MYCT1: variants seen among roughly 807,000 people sequenced by gnomAD.
MYCT1 encodes the protein MYC target 1.
MYCT1 carries 12 observed loss-of-function variants against 15.0 expected under a neutral mutation model. The ratio of observed to expected loss-of-function variants is 0.80; its 90% CI spans 0.51 to 1.29. The LOEUF (loss-of-function observed/expected upper bound fraction) is 1.29, where lower values mean the gene tolerates loss of function less well. Among genes scored for constraint, MYCT1 ranks in the 50% most tolerant of loss-of-function variants. MYCT1 has a pLI of 0.00. For synonymous variants in MYCT1, 104 were observed against 102.7 expected (o/e 1.01, Z -0.07); for missense variants, 287 against 279.1 (o/e 1.03, Z -0.20).
At chr6:152,743,065 GT>G in the MYCT1 span, among the ~76,000 whole-genome samples, 462 of 152,124 alleles carry the variant, frequency 3.0e-3, 2 homozygotes, top group Non-Finnish European at 5.0e-3. Context: ...TGTTGTTGTT[GT>G]TGTTGTTTTG....
At chr6:152,742,191 A>G in the MYCT1 span, among the ~76,000 whole-genome samples, 1 of 152,164 alleles carries the variant, frequency 6.6e-6, no homozygotes, top group African/African-American at 2.4e-5. Context: ...TGGGGGAAAT[A>G]CGGGGTTAAA....
chr6:152,715,411 C>A (rs1223095134), intron 1 of MYCT1, among the ~76,000 whole-genome samples: 4 of 151,182 alleles, frequency 2.6e-5, no homozygotes, highest in Admixed American at 2.0e-4. Flanking sequence ...AATCTCCAAG[C>A]CTTTTGTTTA....
intron 1 of MYCT1, among the ~76,000 whole-genome samples, chr6:152,718,581 T>G (rs1043651277): frequency 6.6e-6 from 1 of 152,144 alleles, no homozygotes; most frequent in East Asian, 1.9e-4. Flanking sequence ...TATTTTTCAT[T>G]GATTGTGTAT....
At chr6:152,745,772 C>G in the MYCT1 span, among the ~76,000 whole-genome samples, 7 of 152,220 alleles carry the variant, frequency 4.6e-5, no homozygotes, top group Admixed American at 1.3e-4. Context: ...AAAACCTGTC[C>G]GTTGCTAGGC....
the MYCT1 span, among the ~76,000 whole-genome samples, chr6:152,732,493 A>G: frequency 6.6e-6 from 1 of 152,192 alleles, no homozygotes; most frequent in Non-Finnish European, 1.5e-5. Flanking sequence ...AAAAGAATGT[A>G]AACAAAAAAT....
At chr6:152,726,060 T>A (rs991845683), downstream of MYCT1, among the ~76,000 whole-genome samples, 1 of 152,130 alleles carries the variant, frequency 6.6e-6, no homozygotes, top group African/African-American at 2.4e-5. Flanking sequence ...CATATCTTTT[T>A]ACAATGTTAC....
chr6:152,718,300 C>T (rs9397551), intron 1 of MYCT1, among the ~76,000 whole-genome samples: 48,513 of 152,052 alleles, frequency 0.32, 9,014 homozygotes, highest in East Asian at 0.43. Context: ...AGTTTTCTTA[C>T]ATCAGAACAA....
downstream of MYCT1, among the ~76,000 whole-genome samples, chr6:152,729,316 G>GT (rs1037689693): frequency 7.0e-3 from 1,027 of 146,304 alleles, 8 homozygotes; most frequent in African/African-American, 0.024. Context: ...ATTTCCACAG[G>GT]TTTTTTTTTT....
At chr6:152,719,736 A>G (rs180696900) in intron 1 of MYCT1, among the ~76,000 whole-genome samples, 36 of 152,314 alleles carry the variant, frequency 2.4e-4, no homozygotes, top group Non-Finnish European at 4.9e-4. Context: ...ATTCCTTTGT[A>G]GTTATTAACA....
At chr6:152,736,873 G>A in the MYCT1 span, among the ~76,000 whole-genome samples, 1 of 152,076 alleles carries the variant, frequency 6.6e-6, no homozygotes, top group African/African-American at 2.4e-5. Flanking sequence ...TGCTGATTTA[G>A]TGCTAATTGG....
intron 1 of MYCT1, among the ~76,000 whole-genome samples, chr6:152,713,001 T>A (rs1332547475): frequency 2.0e-5 from 3 of 152,066 alleles, no homozygotes; most frequent in Non-Finnish European, 4.4e-5. Flanking sequence ...TTTAGCTCCA[T>A]CCACCCTTTC....
chr6:152,743,134 C>A, the MYCT1 span, among the ~76,000 whole-genome samples: 1 of 152,168 alleles, frequency 6.6e-6, no homozygotes. Flanking sequence ...CAGCTCACTG[C>A]AACCTCTGCC....
intron 1 of MYCT1, among the ~76,000 whole-genome samples, chr6:152,700,800 T>A (rs530857749): frequency 6.6e-6 from 1 of 152,298 alleles, no homozygotes; most frequent in Admixed American, 6.5e-5. Context: ...GTTTTGGTTG[T>A]TTCTGCTGTC....
rs557461679 is a variant in MYCT1, at chr6:152,722,886, G to A, written c.*633G>A. 9.9e-6 allele frequency: 2 copies of A among 201,918 alleles called. No individual in the cohort carries two copies. Among genetic ancestry groups the A allele is most frequent in the Non-Finnish European group, 1.0e-5 (1 of 97,104 alleles). 12.5% of individuals were successfully genotyped at this position (201,918 alleles called of 1,614,324 possible). A position where few individuals can be genotyped will look rare whatever the true frequency, so the allele number is the denominator to read the frequency against. ...CCCAAGTAGCTGGGACTACAGGGGT[G>A]CACTACCACACCGGGTTGAATTTTT... On this transcript the variant is annotated 3_prime_UTR_variant, in exon 2 of 2. Transcript: ENST00000367245.
chr6:152,728,664 G>A (rs1372820669), downstream of MYCT1, among the ~76,000 whole-genome samples: 1 of 152,156 alleles, frequency 6.6e-6, no homozygotes, highest in Non-Finnish European at 1.5e-5. Flanking sequence ...GGGAGTGTGA[G>A]GCAGGAGGAT....
chr6:152,731,986 A>G, the MYCT1 span, among the ~76,000 whole-genome samples: 7 of 152,158 alleles, frequency 4.6e-5, no homozygotes, highest in Non-Finnish European at 8.8e-5. Context: ...TATAAAACAA[A>G]CTACAGAGTG....
At chr6:152,732,984 A>G in the MYCT1 span, among the ~76,000 whole-genome samples, 1 of 152,190 alleles carries the variant, frequency 6.6e-6, no homozygotes, top group African/African-American at 2.4e-5. Context: ...GGGTTTCTAG[A>G]TTCCCCAGGA....
the MYCT1 span, among the ~76,000 whole-genome samples, chr6:152,734,040 T>C: frequency 1.3e-5 from 2 of 152,026 alleles, no homozygotes; most frequent in African/African-American, 4.8e-5. Flanking sequence ...GTCTTAAAAA[T>C]TAAAAACAGT....
intron 1 of MYCT1, among the ~76,000 whole-genome samples, chr6:152,704,629 T>G (rs904629728): frequency 6.6e-6 from 1 of 152,186 alleles, no homozygotes; most frequent in Non-Finnish European, 1.5e-5. Context: ...TCTAGATATT[T>G]GAAACTATAC....
Sources: allele counts gnomAD v4.1 joint callset (sites outside exome capture counted in the v4.1 genomes callset), GRCh38; gene constraint gnomAD v4.1.1; transcripts MANE v1.5; gene names NCBI Gene and HGNC (gene_info 2026-07-23, HGNC 2026-07-21).